Variants in SEMA3E observed in about 807,000 individuals in gnomAD.
The protein encoded by SEMA3E is semaphorin 3E, also known as semaphorin-3E.
A neutral mutation model predicts 93.6 loss-of-function variants in SEMA3E; 49 were observed. The ratio of observed to expected loss-of-function variants is 0.52; its 90% CI spans 0.42 to 0.66. The LOEUF is 0.66. SEMA3E is among the 30% of genes least tolerant of loss of function. The pLI is 0.00. For synonymous variants in SEMA3E, 363 were observed against 330.7 expected (o/e 1.10, Z -1.06); for missense variants, 906 against 964.8 (o/e 0.94, Z 0.81).
rs553132788 is a variant in SEMA3E at position 83,484,646 on chromosome 7, C to T, written c.276+5468G>A. Among the ~76,000 whole-genome samples, 267 of 152,174 alleles carry T rather than the reference C, an allele frequency of 1.8e-3. 1 individual carries two copies. Among genetic ancestry groups the T allele is most frequent in the African/African-American group, 6.0e-3 (250 of 41,522 alleles). On this transcript the variant is annotated intron_variant, in intron 2 of 16. Coordinates refer to ENST00000643230, the MANE Select transcript of SEMA3E (RefSeq NM_012431.3). ...TCCCTAGAAAATATTTTCTTGACCA[C>T]CCTACTCTCCTCACCAACCTCTACT...
intron 1 of SEMA3E, among the ~76,000 whole-genome samples, chr7:83,544,888 C>T (rs1297464164): frequency 2.0e-5 from 3 of 151,966 alleles, no homozygotes; most frequent in African/African-American, 7.2e-5. Flanking sequence ...TTAATGGTTT[C>T]CTTGACTTGA....
At chr7:83,543,951 A>G (rs1044559054) in intron 1 of SEMA3E, among the ~76,000 whole-genome samples, 4 of 152,008 alleles carry the variant, frequency 2.6e-5, no homozygotes, top group African/African-American at 9.7e-5. Context: ...AACATTCTTT[A>G]TTCATTATAT....
intron 1 of SEMA3E, among the ~76,000 whole-genome samples, chr7:83,610,846 C>T (rs1265996949): frequency 6.6e-6 from 1 of 152,026 alleles, no homozygotes; most frequent in East Asian, 1.9e-4. Context: ...GGCTTACAGC[C>T]TCCAAAATTG....
Position 83,400,317 on chromosome 7 carries a change from A to G in SEMA3E, c.1144-67T>C, listed in dbSNP as rs75741745. On this transcript the variant is annotated intron_variant, in intron 10 of 16. Transcript: ENST00000643230. ...CCAAAGAGAAAATTTATAATCAATTATGAGAAGAATCAGAAAAATTGAAGT... is the reference window on the plus strand; with the variant it reads ...CCAAAGAGAAAATTTATAATCAATTGTGAGAAGAATCAGAAAAATTGAAGT... 9.1e-4 allele frequency: 1,284 copies of G among 1,415,454 alleles called. 12 individuals carry two copies. The African/African-American group carries it at 0.016, about 18-fold the overall frequency. The allele number at this position is 1,415,454 out of a possible 1,614,324, so 87.7% of individuals were successfully genotyped here. A position where few individuals can be genotyped will look rare whatever the true frequency, so the allele number is the denominator to read the frequency against.
chr7:83,600,721 G>A (rs1792977624), intron 1 of SEMA3E, among the ~76,000 whole-genome samples: 1 of 151,700 alleles, frequency 6.6e-6, no homozygotes, highest in Non-Finnish European at 1.5e-5. Flanking sequence ...AGTACTTTTT[G>A]TCAAACAAAG....
At chr7:83,556,212 A>G (rs1033649495) in intron 1 of SEMA3E, among the ~76,000 whole-genome samples, 4 of 152,118 alleles carry the variant, frequency 2.6e-5, no homozygotes, top group Non-Finnish European at 4.4e-5. Context: ...GCCTGCACTT[A>G]CCTTCGCTTT....
intron 14 of SEMA3E, among the ~76,000 whole-genome samples, chr7:83,389,115 T>C (rs73707814): frequency 0.052 from 7,857 of 152,090 alleles, 334 homozygotes; most frequent in African/African-American, 0.11. Flanking sequence ...TCTACTGAAC[T>C]AGATTGAAAA....
At chr7:83,642,756 C>T (rs950561511) in intron 1 of SEMA3E, among the ~76,000 whole-genome samples, 2 of 152,012 alleles carry the variant, frequency 1.3e-5, no homozygotes, top group South Asian at 4.1e-4. Flanking sequence ...ATGGCCCTGT[C>T]TATTAAAACC....
chr7:83,367,499 A>C lies in SEMA3E; in HGVS notation c.*87T>G, dbSNP rs963973134. On this transcript the variant is annotated 3_prime_UTR_variant, in exon 17 of 17. Transcript: ENST00000643230. ...TGTATTACAGAAATCTCTTTTAAGT[A>C]ATGCAAAGAAGTTGGATGATTTATT... 2 of 1,319,742 alleles carry C rather than the reference A, an allele frequency of 1.5e-6. No individual in the cohort carries two copies. Among genetic ancestry groups the C allele is most frequent in the East Asian group, 4.6e-5 (2 of 43,562 alleles). The allele number at this position is 1,319,742 out of a possible 1,614,324, so 81.8% of individuals were successfully genotyped here.
intron 2 of SEMA3E, among the ~76,000 whole-genome samples, chr7:83,488,017 G>A (rs944047483): frequency 5.3e-5 from 8 of 151,964 alleles, no homozygotes; most frequent in African/African-American, 9.7e-5. Flanking sequence ...TAGGAAAAGC[G>A]GAAATCTAAC....
At chr7:83,494,233 A>G (rs1790443150) in intron 1 of SEMA3E, among the ~76,000 whole-genome samples, 1 of 151,698 alleles carries the variant, frequency 6.6e-6, no homozygotes, top group Non-Finnish European at 1.5e-5. Context: ...AATGAATCCC[A>G]AATTTGACCT....
intron 16 of SEMA3E, among the ~76,000 whole-genome samples, chr7:83,369,740 G>A (rs1794726284): frequency 6.6e-6 from 1 of 152,148 alleles, no homozygotes; most frequent in Non-Finnish European, 1.5e-5. Context: ...AATATCCTTA[G>A]CAACTGTTAT....
intron 1 of SEMA3E, among the ~76,000 whole-genome samples, chr7:83,598,691 G>C (rs922040282): frequency 2.0e-5 from 3 of 152,138 alleles, no homozygotes; most frequent in Admixed American, 6.5e-5. Context: ...TTGTCTTAAA[G>C]GGACCAAACG....
chr7:83,482,197 A>G (rs970275718), intron 2 of SEMA3E, among the ~76,000 whole-genome samples: 4 of 152,172 alleles, frequency 2.6e-5, no homozygotes, highest in Non-Finnish European at 4.4e-5. Context: ...AAGGGTAAGA[A>G]GAAGGGAGAC....
intron 1 of SEMA3E, among the ~76,000 whole-genome samples, chr7:83,537,769 A>T (rs1214404068): frequency 1.3e-5 from 2 of 152,300 alleles, no homozygotes; most frequent in Non-Finnish European, 2.9e-5. Flanking sequence ...AGATATGTGC[A>T]ACCATCACAA....
chr7:83,393,149 A>AAGG (rs1222994811), intron 13 of SEMA3E, among the ~76,000 whole-genome samples: 1 of 152,138 alleles, frequency 6.6e-6, no homozygotes, highest in Admixed American at 6.6e-5. Flanking sequence ...GAGTACCAAA[A>AAGG]TTGCTACACT....
rs773799803 is a variant in SEMA3E at position 83,367,649 on chromosome 7, C to T, written c.2265G>A (p.Gln755=). 1 of 1,614,144 alleles carries T rather than the reference C, an allele frequency of 6.2e-7. No individual in the cohort carries two copies. Among genetic ancestry groups the T allele is most frequent in the South Asian group, 1.1e-5 (1 of 91,086 alleles). Residue 755 remains glutamine (Q), a synonymous_variant, in exon 17 of 17, where the codon CAG becomes CAA. Coordinates refer to ENST00000643230, the MANE Select transcript of SEMA3E (RefSeq NM_012431.3). ...CAGGTTTGGAACGGAGCTTCTTTTCCTGAGGGTTGGCATACTTCCACTTGG... is the reference window on the plus strand; with the variant it reads ...CAGGTTTGGAACGGAGCTTCTTTTCTTGAGGGTTGGCATACTTCCACTTGG... ...SPSKWKYANP[Q]EKKLRSKPEH...
intron 1 of SEMA3E, chr7:83,612,761 G>A (rs1216479168): frequency 6.6e-6 from 1 of 151,970 alleles, no homozygotes; most frequent in East Asian, 1.9e-4. Context: ...CTTGCCCTTG[G>A]GAAAAAGCCC....
chr7:83,560,681 T>C (rs1042266234), intron 1 of SEMA3E, among the ~76,000 whole-genome samples: 3 of 152,008 alleles, frequency 2.0e-5, no homozygotes, highest in African/African-American at 4.8e-5. Context: ...TTGATAAATG[T>C]TTACTTAATA....
Sources: gnomAD v4.1 joint callset for allele counts (sites outside exome capture counted in the v4.1 genomes callset) on GRCh38, gnomAD v4.1.1 for gene constraint, MANE v1.5 for transcripts, NCBI Gene and HGNC (gene_info 2026-07-23, HGNC 2026-07-21) for gene names.